Variants in GNLY observed in about 807,000 individuals in gnomAD.
GNLY encodes the protein T-cell activation protein 519.
A neutral mutation model predicts 18.5 loss-of-function variants in GNLY; 15 were observed. The observed-to-expected ratio is 0.81, with a 90% CI of 0.54 to 1.25. The LOEUF (loss-of-function observed/expected upper bound fraction) is 1.25, where lower values mean the gene tolerates loss of function less well. GNLY is among the 50% of genes most tolerant of loss of function. GNLY has a pLI of 0.00. For synonymous variants in GNLY, 77 were observed against 74.9 expected (o/e 1.03, Z -0.14); for missense variants, 178 against 186.9 (o/e 0.95, Z 0.28).
chr2:85,694,487 G>A lies in GNLY; in HGVS notation c.52+17G>A, dbSNP rs757268139. On this transcript the variant is annotated intron_variant, in intron 1 of 4. Transcript: ENST00000263863. ...GCAACCCAGGTAAGGCCTTCCCCTC[G>A]GGATCGATCCTGATGGCCCACCCAG... 1.9e-5 allele frequency: 30 copies of A among 1,612,366 alleles called. No individual in the cohort carries two copies. In the South Asian group the frequency reaches 3.1e-4, roughly 17 times the overall value.
chr2:85,694,763 C>A (rs571800180), intron 1 of GNLY: 1 of 1,439,820 alleles, frequency 6.9e-7, no homozygotes, highest in East Asian at 2.5e-5. Flanking sequence ...CCCCTGCCTC[C>A]GCATCTGCGT....
chr2:85,697,116 C>CT (rs397869204), intron 3 of GNLY: 1 of 188,316 alleles, frequency 5.3e-6, no homozygotes, highest in African/African-American at 2.4e-5. Context: ...CCTCCCACCC[C>CT]ACCAGTCTTC....
At position 85,698,542 on chromosome 2, in the gene GNLY, C is replaced by T. The variant is rs1422722028; in HGVS notation, c.428-22C>T. 21 of 1,613,028 alleles carry T rather than the reference C, an allele frequency of 1.3e-5. No homozygotes were observed. The Middle Eastern group carries it at 6.6e-4, about 51-fold the overall frequency. Reference sequence around the variant, plus strand: ...GAGGACCCACCACATCTGCCCACAGCTGGCTGTTCTCTCCTCTCCAGGTCC... The same window carrying T: ...GAGGACCCACCACATCTGCCCACAGTTGGCTGTTCTCTCCTCTCCAGGTCC... On this transcript the variant is annotated intron_variant, in intron 4 of 4. Transcript: ENST00000263863.
chr2:85,695,592 A>G (rs930475920), intron 2 of GNLY, among the ~76,000 whole-genome samples, 169 bp downstream of exon 2: 5 of 152,292 alleles, frequency 3.3e-5, no homozygotes, highest in African/African-American at 1.2e-4. Flanking sequence ...CAGGAGGGCT[A>G]CAGGTATCTG....
intron 2 of GNLY, 130 bp downstream of exon 2, chr2:85,695,553 A>G: frequency 1.5e-6 from 1 of 657,162 alleles, no homozygotes; most frequent in Non-Finnish European, 2.7e-6. Flanking sequence ...GTTTCTGACG[A>G]TGCTGGTTTT....
chr2:85,698,146 A>T (rs746618548), intron 4 of GNLY, among the ~76,000 whole-genome samples: 22 of 152,274 alleles, frequency 1.4e-4, no homozygotes, highest in Non-Finnish European at 2.5e-4. Context: ...ATCCTCCCCC[A>T]CAATCCTGGG....
chr2:85,695,418 C>T lies in GNLY; in HGVS notation c.151C>T (p.Pro51Ser), dbSNP rs747681515. The T allele has an allele frequency of 6.3e-7, 1 of 1,593,882 alleles. No individual in the cohort carries two copies. The highest frequency in any genetic ancestry group is 8.6e-7 in the Non-Finnish European group (1 of 1,161,572). ...KSCPCLAQEG[P>S]QGDLLTKTQE... ...CTGCCCGTGCCTGGCCCAGGAGGGC[C>T]CCCAGGTACGTGTTGGCTCTCTGCT... The change falls in exon 2 of 5, where the codon CCC becomes TCC. Residue 51 changes from proline to serine, a missense_variant. Transcript: ENST00000263863.
At chr2:85,694,820 C>A in intron 1 of GNLY, 1 of 1,482,466 alleles carries the variant, frequency 6.7e-7, no homozygotes, top group Non-Finnish European at 8.9e-7. Context: ...TTCCTCGGGC[C>A]TACACTGTCT....
rs768738640 is a variant in GNLY at position 85,698,754 on chromosome 2, C to T, written c.*180C>T. 3.3e-6 allele frequency: 5 copies of T among 1,523,778 alleles called. No homozygotes were observed. Among genetic ancestry groups the T allele is most frequent in the South Asian group, 2.4e-5 (2 of 82,828 alleles). The allele number at this position is 1,523,778 out of a possible 1,614,324, so 94.4% of individuals were successfully genotyped here. ...AATAAAGTGTCAAGCAAGATTTTAG[C>T]CGCAGCTGCTTCTTCTTTGGTGGAT... On this transcript the variant is annotated 3_prime_UTR_variant, in exon 5 of 5. Coordinates refer to ENST00000263863, the MANE Select transcript of GNLY (RefSeq NM_006433.5).
chr2:85,695,250 C>G, intron 1 of GNLY, 70 bp from the exon 2 acceptor site: 1 of 1,145,986 alleles, frequency 8.7e-7, no homozygotes, highest in Non-Finnish European at 1.3e-6. Flanking sequence ...TGGACTCCCA[C>G]CAGCCAGGAG....
chr2:85,694,566 G>A, intron 1 of GNLY, 96 bp downstream of exon 1: 1 of 1,296,550 alleles, frequency 7.7e-7, no homozygotes, highest in Non-Finnish European at 1.1e-6. Flanking sequence ...GGGCACCCAG[G>A]TGCCCCTGCC....
At chr2:85,694,780 G>A in intron 1 of GNLY, 1 of 1,443,694 alleles carries the variant, frequency 6.9e-7, no homozygotes, top group Non-Finnish European at 9.1e-7. Context: ...GCGTGGTGAA[G>A]GCCATTGGCC....
chr2:85,697,282 A>C (rs1471601556), intron 3 of GNLY: 1 of 545,464 alleles, frequency 1.8e-6, no homozygotes. Flanking sequence ...CAGCAGGGCT[A>C]ACTGTCCTTG....
intron 1 of GNLY, 163 bp downstream of exon 1, chr2:85,694,633 A>T: frequency 6.6e-6 from 7 of 1,057,364 alleles, no homozygotes; most frequent in Non-Finnish European, 9.4e-6. Flanking sequence ...AGCCAGGCTT[A>T]GTCCAGTGTG....
chr2:85,697,964 G>C (rs1678526679), intron 4 of GNLY, among the ~76,000 whole-genome samples: 1 of 152,224 alleles, frequency 6.6e-6, no homozygotes, highest in Admixed American at 6.5e-5. Context: ...GTGAAGGGGA[G>C]ATAGCAATCC....
Position 85,698,621 on chromosome 2 carries a change from G to A in GNLY, c.*47G>A. The A allele has an allele frequency of 6.2e-7, 1 of 1,613,164 alleles. No individual in the cohort carries two copies. Among genetic ancestry groups the A allele is most frequent in the East Asian group, 2.2e-5 (1 of 44,886 alleles). On this transcript the variant is annotated 3_prime_UTR_variant, in exon 5 of 5. Coordinates refer to ENST00000263863, the MANE Select transcript of GNLY (RefSeq NM_006433.5). ...GAAGAAGCACAGGCTCCTGTCCTCA[G>A]ATCCCGGGAACCTCAGCAACCTCTG...
intron 1 of GNLY, 159 bp from the exon 2 acceptor site, chr2:85,695,161 G>A (rs1037654645): frequency 1.6e-5 from 13 of 837,750 alleles, no homozygotes; most frequent in South Asian, 6.6e-5. Flanking sequence ...GGGTCAGAGC[G>A]GCTCCAGGGC....
intron 1 of GNLY, chr2:85,694,675 G>A (rs972697901): frequency 2.1e-5 from 26 of 1,267,412 alleles, no homozygotes; most frequent in Admixed American, 8.1e-5. Context: ...TGGCCAAGGA[G>A]GAGAGACAGG....
In GNLY at chr2:85,696,013, C is replaced by CT; in HGVS notation, c.212_213insT (p.Ile72AspfsTer11). 1 of 1,611,882 alleles carries CT rather than the reference C, an allele frequency of 6.2e-7. No homozygotes were observed. Among genetic ancestry groups the CT allele is most frequent in the South Asian group, 1.1e-5 (1 of 90,960 alleles). Reference sequence around the variant, plus strand: ...GGCCGTGACTACAGGACCTGTCTGACGATAGTCCAAAAACTGAAGAAGATG... The same window carrying CT: ...GGCCGTGACTACAGGACCTGTCTGACTGATAGTCCAAAAACTGAAGAAGATG... On this transcript the variant is annotated frameshift_variant, in exon 3 of 5. Coordinates refer to ENST00000263863, the MANE Select transcript of GNLY (RefSeq NM_006433.5). LOFTEE classifies it high-confidence loss of function.
Sources: gnomAD v4.1 joint callset for allele counts (sites outside exome capture counted in the v4.1 genomes callset) on GRCh38, gnomAD v4.1.1 for gene constraint, MANE v1.5 for transcripts, NCBI Gene and HGNC (gene_info 2026-07-23, HGNC 2026-07-21) for gene names.